CNTNAP5: variants seen among roughly 807,000 people sequenced by gnomAD.
CNTNAP5 encodes the protein contactin associated protein family member 5.
Under a neutral mutation model 150.2 loss-of-function variants are expected in CNTNAP5, and 72 were observed. The ratio of observed to expected loss-of-function variants is 0.48; its 90% confidence interval spans 0.40 to 0.58. CNTNAP5 has a LOEUF of 0.58. CNTNAP5 is among the 20% of genes least tolerant of loss of function. The probability of loss-of-function intolerance (pLI) is 0.00; values close to 1 mark genes in which losing one functional copy is unlikely to be tolerated. For synonymous variants in CNTNAP5, 672 were observed against 619.8 expected (o/e 1.08, Z -1.25); for missense variants, 1,636 against 1,626.2 (o/e 1.01, Z -0.10).
chr2:124,504,468 C>T lies in CNTNAP5; in HGVS notation c.1239C>T (p.Gly413=), dbSNP rs747657051. The change falls in exon 8 of 24, where the codon GGC becomes GGT. Residue 413 remains glycine, a synonymous_variant. Transcript: ENST00000682447. ...GLLLSTELSE[G]SGTLLLSLEG... ...TTCTGTCCACAGAGCTGTCTGAGGG[C>T]TCGGGAACCCTGCTGCTGAGCCTGG... 1.2e-6 allele frequency: 2 copies of T among 1,613,828 alleles called. No homozygotes were observed. Among genetic ancestry groups the T allele is most frequent in the Non-Finnish European group, 8.5e-7 (1 of 1,179,830 alleles).
At chr2:124,319,862 G>A (rs1052979999) in intron 3 of CNTNAP5, among the ~76,000 whole-genome samples, 1 of 152,182 alleles carries the variant, frequency 6.6e-6, no homozygotes, top group Admixed American at 6.5e-5. Context: ...AGTGCAACGT[G>A]ATGGCTATGT....
At chr2:124,176,889 G>A (rs1375878943) in intron 1 of CNTNAP5, among the ~76,000 whole-genome samples, 1 of 137,406 alleles carries the variant, frequency 7.3e-6, no homozygotes. Context: ...TTGTTGCCCA[G>A]GGCGGAGTGC....
chr2:124,297,793 C>A (rs562360712), intron 3 of CNTNAP5, among the ~76,000 whole-genome samples: 3 of 143,244 alleles, frequency 2.1e-5, no homozygotes, highest in South Asian at 4.4e-4. Context: ...CTAAGCCAGG[C>A]AATCCACATC....
At chr2:124,077,210 A>C (rs1179341335) in intron 1 of CNTNAP5, among the ~76,000 whole-genome samples, 1 of 152,078 alleles carries the variant, frequency 6.6e-6, no homozygotes, top group African/African-American at 2.4e-5. Context: ...TTCTCTAATC[A>C]TTGTTGTGAA....
At chr2:124,106,303 C>A (rs56115267) in intron 1 of CNTNAP5, among the ~76,000 whole-genome samples, 2 of 151,964 alleles carry the variant, frequency 1.3e-5, no homozygotes, top group African/African-American at 4.8e-5. Context: ...TTTGGTGTGC[C>A]AACAAGTTAC....
intron 3 of CNTNAP5, among the ~76,000 whole-genome samples, chr2:124,337,990 A>T (rs1156626268): frequency 6.6e-6 from 1 of 152,168 alleles, no homozygotes; most frequent in Non-Finnish European, 1.5e-5. Context: ...GATTCTTCCT[A>T]CCCATGAGCA....
chr2:124,707,201 G>T (rs188346657), intron 13 of CNTNAP5, among the ~76,000 whole-genome samples: 7 of 140,626 alleles, frequency 5.0e-5, no homozygotes, highest in Admixed American at 1.4e-4. Flanking sequence ...AGAAGAAGAA[G>T]AAGAATAAAC....
chr2:124,132,250 A>G (rs1467176736), intron 1 of CNTNAP5, among the ~76,000 whole-genome samples: 10 of 152,160 alleles, frequency 6.6e-5, no homozygotes. Flanking sequence ...ATAAGAATAC[A>G]CAAGGTTCCT....
chr2:124,110,263 C>T (rs780762368), intron 1 of CNTNAP5, among the ~76,000 whole-genome samples: 40 of 152,252 alleles, frequency 2.6e-4, no homozygotes, highest in Non-Finnish European at 1.5e-4. Context: ...CACCGGGATT[C>T]AGATTTGTGA....
intron 13 of CNTNAP5, among the ~76,000 whole-genome samples, chr2:124,658,346 G>T (rs987828615): frequency 6.6e-6 from 1 of 152,076 alleles, no homozygotes; most frequent in African/African-American, 2.4e-5. Context: ...GATACTAGAG[G>T]CTTATATTTA....
At chr2:124,112,000 A>G (rs1381979276) in intron 1 of CNTNAP5, among the ~76,000 whole-genome samples, 3 of 152,196 alleles carry the variant, frequency 2.0e-5, no homozygotes, top group Non-Finnish European at 4.4e-5. Context: ...CCATGGGAGT[A>G]CCCCATCTAT....
At chr2:124,875,276 G>A (rs1305607595) in intron 21 of CNTNAP5, among the ~76,000 whole-genome samples, 1 of 152,032 alleles carries the variant, frequency 6.6e-6, no homozygotes, top group Non-Finnish European at 1.5e-5. Flanking sequence ...AAGAATTTAT[G>A]CATATAAATA....
At chr2:124,202,746 C>A (rs1392941912) in intron 1 of CNTNAP5, among the ~76,000 whole-genome samples, 1 of 151,992 alleles carries the variant, frequency 6.6e-6, no homozygotes, top group East Asian at 1.9e-4. Flanking sequence ...CTTTATTAGA[C>A]CATTAGATTT....
At chr2:124,709,461 AT>A (rs1337594333) in intron 13 of CNTNAP5, among the ~76,000 whole-genome samples, 4 of 152,170 alleles carry the variant, frequency 2.6e-5, no homozygotes, top group African/African-American at 9.7e-5. Context: ...CAAGTAGAAA[AT>A]TTGTATAACC....
In CNTNAP5 at chr2:124,809,569, G is replaced by A. The variant is rs980143150; in HGVS notation, c.3217+11249G>A. ...ATATAGCTGCAAGCCACTCTGCCCG[G>A]CTGGGAACATGATCTTTAAAAAAAA... is the stretch of plus-strand genomic sequence containing the variant. On this transcript the variant is annotated intron_variant, in intron 19 of 23. Transcript: ENST00000682447. Among the ~76,000 whole-genome samples, 14 of 123,536 alleles carry A rather than the reference G, an allele frequency of 1.1e-4. No homozygotes were observed. In the Admixed American group the frequency reaches 1.2e-3, roughly 11 times the overall value. 81.0% of individuals were successfully genotyped at this position (123,536 alleles called of 152,430 possible).
intron 12 of CNTNAP5, among the ~76,000 whole-genome samples, chr2:124,639,419 C>T (rs1450022225): frequency 6.6e-6 from 1 of 152,124 alleles, no homozygotes; most frequent in Non-Finnish European, 1.5e-5. Flanking sequence ...AGAATATAAG[C>T]TCCATGAGAG....
At chr2:124,205,141 T>C (rs1226457585) in intron 1 of CNTNAP5, among the ~76,000 whole-genome samples, 2 of 152,154 alleles carry the variant, frequency 1.3e-5, no homozygotes, top group African/African-American at 4.8e-5. Flanking sequence ...TCATTTTGAA[T>C]TGTAGTTTCC....
At chr2:124,739,459 C>T (rs1680454254) in intron 13 of CNTNAP5, among the ~76,000 whole-genome samples, 1 of 152,020 alleles carries the variant, frequency 6.6e-6, no homozygotes, top group Admixed American at 6.6e-5. Context: ...TTTTCTAAAT[C>T]AGCATTTTGA....
chr2:124,793,229 A>C (rs1263081108), intron 18 of CNTNAP5, among the ~76,000 whole-genome samples: 1 of 152,144 alleles, frequency 6.6e-6, no homozygotes, highest in African/African-American at 2.4e-5. Flanking sequence ...TAGACATCTT[A>C]CTGAATATGA....
Sources: gnomAD v4.1 joint callset for allele counts (sites outside exome capture counted in the v4.1 genomes callset) on GRCh38, gnomAD v4.1.1 for gene constraint, MANE v1.5 for transcripts, NCBI Gene and HGNC (gene_info 2026-07-23, HGNC 2026-07-21) for gene names.